Variants in FXR2 observed in about 807,000 individuals in gnomAD.
FXR2 encodes the protein FMR1 autosomal homolog 2, also known as RNA-binding protein FXR2.
FXR2 carries 9 observed loss-of-function variants against 87.3 expected under a neutral mutation model. That is an observed-to-expected ratio of 0.10 (90% CI 0.06 to 0.18). The LOEUF (loss-of-function observed/expected upper bound fraction) is 0.18, where lower values mean the gene tolerates loss of function less well. Among genes scored for constraint, FXR2 ranks in the 10% least tolerant of loss-of-function variants. The pLI is 1.00. For missense variants in FXR2, 661 were observed against 893.6 expected, an observed-to-expected ratio of 0.74 and a Z score of 3.32; for synonymous variants, 331 against 328.3, an observed-to-expected ratio of 1.01 and a Z score of -0.09.
chr17:7,599,643 G>A (rs528952618), intron 7 of FXR2, among the ~76,000 whole-genome samples: 3 of 152,192 alleles, frequency 2.0e-5, no homozygotes, highest in African/African-American at 4.8e-5. Context: ...TTGGGAGGTC[G>A]AGGTGGGCGG....
chr17:7,591,549 C>G lies in FXR2; in HGVS notation c.*281G>C, dbSNP rs938299081. 35 of 416,756 alleles carry G rather than the reference C, an allele frequency of 8.4e-5. No individual in the cohort carries two copies. The Admixed American group carries it at 9.9e-4, about 12-fold the overall frequency. The allele number at this position is 416,756 out of a possible 1,614,324, so 25.8% of individuals were successfully genotyped here. A position where few individuals can be genotyped will look rare whatever the true frequency, so the allele number is the denominator to read the frequency against. On this transcript the variant is annotated 3_prime_UTR_variant, in exon 17 of 17. Coordinates refer to ENST00000250113, the MANE Select transcript of FXR2 (RefSeq NM_004860.4). This position sits in a 1 kb window ranked among gnomAD's most constrained non-coding sequence, Gnocchi z 4.0. ...CCAACAGGTGGAGAATGGGGGTGTT[C>G]AGAGAGAGATTGGGGCATTAGAGGA...
At chr17:7,613,709 T>A (rs1450208706) in intron 1 of FXR2, among the ~76,000 whole-genome samples, 2 of 152,294 alleles carry the variant, frequency 1.3e-5, no homozygotes, top group Middle Eastern at 3.4e-3. Context: ...GAAGAAACTA[T>A]ATGAATGACC....
At chr17:7,599,021 C>A (rs569452770) in intron 7 of FXR2, among the ~76,000 whole-genome samples, 2 of 152,190 alleles carry the variant, frequency 1.3e-5, no homozygotes, top group African/African-American at 4.8e-5. Flanking sequence ...CCTATTATCC[C>A]AGCTACCTGG....
rs2071666244 is a variant in FXR2 at position 7,592,032 on chromosome 17, G to A, written c.1927-107C>T. ...AGCCCTCCTGGCATTTGGTGATCCA[G>A]AGGTTGGTTCCCTGATCTCATGATC... On this transcript the variant is annotated intron_variant, in intron 16 of 16. Coordinates refer to ENST00000250113, the MANE Select transcript of FXR2 (RefSeq NM_004860.4). This position sits in a 1 kb window ranked among gnomAD's most constrained non-coding sequence, Gnocchi z 4.8. 1.6e-6 allele frequency: 2 copies of A among 1,265,602 alleles called. No individual in the cohort carries two copies. The highest frequency in any genetic ancestry group is 3.0e-5 in the South Asian group (2 of 66,334). 78.4% of individuals were successfully genotyped at this position (1,265,602 alleles called of 1,614,324 possible). A position where few individuals can be genotyped will look rare whatever the true frequency, so the allele number is the denominator to read the frequency against.
At position 7,595,456 on chromosome 17, in the gene FXR2, TTTTTTGG is replaced by T. The variant is rs1365336070; in HGVS notation, c.831+361_831+367del. On this transcript the variant is annotated intron_variant, in intron 8 of 16. Transcript: ENST00000250113. The surrounding 1 kb of genome is among the most constrained non-coding windows in gnomAD (Gnocchi z 4.7). ...TGCATGCCACCACGCTCAGTTAACG[TTTTTTGG>T]TTTTTGGTTTTTTTGGGGGGTAAAG... Among the ~76,000 whole-genome samples, 1 of 151,138 alleles carries T rather than the reference TTTTTTGG, an allele frequency of 6.6e-6. No individual in the cohort carries two copies. Among genetic ancestry groups the T allele is most frequent in the East Asian group, 1.9e-4 (1 of 5,132 alleles).
At chr17:7,598,488 C>G (rs1048050793) in intron 7 of FXR2, among the ~76,000 whole-genome samples, 1 of 151,832 alleles carries the variant, frequency 6.6e-6, no homozygotes, top group Non-Finnish European at 1.5e-5. Context: ...AACAAAAAAC[C>G]AGAAGGCACT....
Position 7,593,390 on chromosome 17 carries a change from A to G in FXR2, c.1330+13T>C, listed in dbSNP as rs761315421. 42 of 1,548,426 alleles carry G rather than the reference A, an allele frequency of 2.7e-5. 1 individual carries two copies. The highest frequency in any genetic ancestry group is 3.4e-4 in the Middle Eastern group (2 of 5,850). On this transcript the variant is annotated intron_variant, in intron 12 of 16. Coordinates refer to ENST00000250113, the MANE Select transcript of FXR2 (RefSeq NM_004860.4). This position sits in a 1 kb window ranked among gnomAD's most constrained non-coding sequence, Gnocchi z 6.1. ...CTGCCACTCCTTGCCTCCTGTTCCC[A>G]TAACTGTCTCACCATAGGCAGGACC...
Position 7,601,808 on chromosome 17 carries a change from T to G in FXR2, c.544-283A>C, listed in dbSNP as rs571861105. On this transcript the variant is annotated intron_variant, in intron 6 of 16. Transcript: ENST00000250113. ...TGGGCGTGGTGGCACATGCCTATAA[T>G]CCCAGCTACTCCAGAGGCTGAGGCA... 8.6e-5 allele frequency among the ~76,000 whole-genome samples: 13 copies of G among 151,898 alleles called. No homozygotes were observed. The South Asian group carries it at 2.7e-3, about 32-fold the overall frequency.
In FXR2 at chr17:7,592,422, C is replaced by G; in HGVS notation, c.1826-68G>C. On this transcript the variant is annotated intron_variant, in intron 15 of 16. Transcript: ENST00000250113. This position sits in a 1 kb window ranked among gnomAD's most constrained non-coding sequence, Gnocchi z 4.8. ...TAGCCAGCCTAAGACACCCACTGAA[C>G]CCGAACCCCTGATTTTCACAGGGGT... The G allele has an allele frequency of 6.5e-7, 1 of 1,545,572 alleles. No individual in the cohort carries two copies.
chr17:7,608,811 TTACA>T (rs2071825814), intron 1 of FXR2, among the ~76,000 whole-genome samples: 1 of 152,200 alleles, frequency 6.6e-6, no homozygotes, highest in Non-Finnish European at 1.5e-5. Context: ...ATGGACTCAG[TTACA>T]TACATGTCAA....
intron 7 of FXR2, among the ~76,000 whole-genome samples, chr17:7,600,539 T>C (rs1373029155): frequency 6.6e-6 from 1 of 152,156 alleles, no homozygotes; most frequent in East Asian, 1.9e-4. Context: ...GGCTCACACC[T>C]GTAATCCTAG....
intron 1 of FXR2, among the ~76,000 whole-genome samples, chr17:7,608,578 A>T (rs1297516558): frequency 1.3e-5 from 2 of 151,156 alleles, no homozygotes; most frequent in Non-Finnish European, 2.9e-5. Flanking sequence ...AGATCATGCC[A>T]TCGCACTGCA....
chr17:7,597,438 A>C (rs1050684843), intron 7 of FXR2, among the ~76,000 whole-genome samples: 1 of 151,878 alleles, frequency 6.6e-6, no homozygotes, highest in East Asian at 1.9e-4. Context: ...ATCTACAATG[A>C]CCTATAAGCG....
At chr17:7,603,624 G>T in intron 5 of FXR2, 133 bp downstream of exon 5, 2 of 707,038 alleles carry the variant, frequency 2.8e-6, no homozygotes, top group African/African-American at 1.8e-5. Context: ...TGTCTTCTTA[G>T]CAAGAAGGGC....
At position 7,592,952 on chromosome 17, in the gene FXR2, G is replaced by C; in HGVS notation, c.1528+32C>G. ...TCAGGTGCCCATCATCTTTCCTTTT[G>C]GCCCATATTCATGAACCCAGCTGTC... On this transcript the variant is annotated intron_variant, in intron 13 of 16. Transcript: ENST00000250113. This position sits in a 1 kb window ranked among gnomAD's most constrained non-coding sequence, Gnocchi z 4.8. The C allele has an allele frequency of 6.5e-7, 1 of 1,549,670 alleles. No homozygotes were observed.
intron 5 of FXR2, 110 bp downstream of exon 5, chr17:7,603,647 C>G: frequency 1.0e-6 from 1 of 979,622 alleles, no homozygotes; most frequent in Non-Finnish European, 1.6e-6. Context: ...TAGTAGAGGG[C>G]CAGGGGAACA....
At chr17:7,600,843 C>CA (rs2150943625) in intron 7 of FXR2, among the ~76,000 whole-genome samples, 1 of 151,386 alleles carries the variant, frequency 6.6e-6, no homozygotes, top group South Asian at 2.1e-4. Context: ...GAGACTATAC[C>CA]ATTACACTAC....
chr17:7,614,175 G>A (rs2071910659), intron 1 of FXR2: 1 of 654,140 alleles, frequency 1.5e-6, no homozygotes, highest in African/African-American at 1.8e-5. Flanking sequence ...TCTCTCCTGC[G>A]GAGCGGGGAG....
rs774207388 is a variant in FXR2, at chr17:7,591,414, G to A, written c.*416C>T. 2.5e-5 allele frequency: 5 copies of A among 199,276 alleles called. No individual in the cohort carries two copies. The highest frequency in any genetic ancestry group is 2.2e-3 in the Middle Eastern group (1 of 450). 12.3% of individuals were successfully genotyped at this position (199,276 alleles called of 1,614,324 possible). On this transcript the variant is annotated 3_prime_UTR_variant, in exon 17 of 17. Coordinates refer to ENST00000250113, the MANE Select transcript of FXR2 (RefSeq NM_004860.4). The surrounding 1 kb of genome is among the most constrained non-coding windows in gnomAD (Gnocchi z 4.0). ...CACCCACTTATCTCTTACTATCCCC[G>A]TCTTCCACAGTGATGAGGCCCCAGA...
Sources: gnomAD v4.1 joint callset for allele counts (sites outside exome capture counted in the v4.1 genomes callset) on GRCh38, gnomAD v4.1.1 for gene constraint, Gnocchi (gnomAD v3.1) non-coding constraint, MANE v1.5 for transcripts, NCBI Gene and HGNC (gene_info 2026-07-23, HGNC 2026-07-21) for gene names.